The following GABBR1 variants were observed in gnomAD, a reference collection of about 807,000 sequenced individuals.
GABBR1 encodes the protein GABA-B receptor, R1 subunit.
A neutral mutation model predicts 117.7 loss-of-function variants in GABBR1; 35 were observed. The ratio of observed to expected loss-of-function variants is 0.30; its 90% CI spans 0.23 to 0.39. The LOEUF (loss-of-function observed/expected upper bound fraction) is 0.39, where lower values mean the gene tolerates loss of function less well. GABBR1 is among the 10% of genes least tolerant of loss of function. The pLI is 1.00. For synonymous variants in GABBR1, 442 were observed against 486.6 expected (o/e 0.91, Z 1.21); for missense variants, 709 against 1,241.8 (o/e 0.57, Z 6.45).
Position 29,621,852 on chromosome 6 carries a change from C to A in GABBR1, c.1066-35G>T, listed in dbSNP as rs1763784747. The A allele has an allele frequency of 1.2e-6, 2 of 1,606,252 alleles. No homozygotes were observed. Among genetic ancestry groups the A allele is most frequent in the Non-Finnish European group, 1.7e-6 (2 of 1,173,062 alleles). ...AGAAAGAAACAGCTCCTGAGGGATG[C>A]CCGGGAATGCCTGAGGGGCTAAGCC... On this transcript the variant is annotated intron_variant, in intron 9 of 22. Coordinates refer to ENST00000377034, the MANE Select transcript of GABBR1 (RefSeq NM_001470.4). This position sits in a 1 kb window ranked among gnomAD's most constrained non-coding sequence, Gnocchi z 5.0.
chr6:29,627,998 T>C lies in GABBR1; in HGVS notation c.497-352A>G, dbSNP rs1764504765. On this transcript the variant is annotated intron_variant, in intron 5 of 22. Transcript: ENST00000377034. This position sits in a 1 kb window ranked among gnomAD's most constrained non-coding sequence, Gnocchi z 4.4. ...CCACCGTCGCCGCCACCGCGGACTC[T>C]CCTCGCGGACTGACTGACCGACGGA... 6.0e-6 allele frequency: 8 copies of C among 1,323,880 alleles called. No individual in the cohort carries two copies. Among genetic ancestry groups the C allele is most frequent in the Non-Finnish European group, 7.7e-6 (8 of 1,045,106 alleles). The allele number at this position is 1,323,880 out of a possible 1,614,324, so 82.0% of individuals were successfully genotyped here.
chr6:29,613,813 CAT>C lies in GABBR1; in HGVS notation c.1324-330_1324-329del, dbSNP rs375369031. 9.2e-4 allele frequency among the ~76,000 whole-genome samples: 140 copies of C among 152,324 alleles called. No individual in the cohort carries two copies. The highest frequency in any genetic ancestry group is 3.2e-3 in the African/African-American group (135 of 41,586). ...AGGTAGAGCAGAGTAAAGGAGGAGA[CAT>C]GGATATTCCAATGAAGAGCTGTGAC... On this transcript the variant is annotated intron_variant, in intron 11 of 22. Coordinates refer to ENST00000377034, the MANE Select transcript of GABBR1 (RefSeq NM_001470.4). This position sits in a 1 kb window ranked among gnomAD's most constrained non-coding sequence, Gnocchi z 4.1.
At chr6:29,629,149 G>A (rs1327966386) in intron 4 of GABBR1, 42 bp from the exon 5 acceptor site, 1 of 1,611,898 alleles carries the variant, frequency 6.2e-7, no homozygotes, top group East Asian at 2.2e-5. Context: ...AGTTACCACT[G>A]GCGCCCAGCT....
In GABBR1 at chr6:29,622,241, G is replaced by A. The variant is rs764151541; in HGVS notation, c.964-36C>T. On this transcript the variant is annotated intron_variant, in intron 8 of 22. Transcript: ENST00000377034. This position sits in a 1 kb window ranked among gnomAD's most constrained non-coding sequence, Gnocchi z 4.6. Reference sequence around the variant, plus strand: ...AATAAAAAACAAGTTGGAAAAACACGGGGTGCATGAGGGAATAAAGACCAG... The same window carrying A: ...AATAAAAAACAAGTTGGAAAAACACAGGGTGCATGAGGGAATAAAGACCAG... 83 of 1,410,500 alleles carry A rather than the reference G, an allele frequency of 5.9e-5. No homozygotes were observed. In the Admixed American group the frequency reaches 7.3e-4, roughly 12 times the overall value. 87.4% of individuals were successfully genotyped at this position (1,410,500 alleles called of 1,614,324 possible). A position where few individuals can be genotyped will look rare whatever the true frequency, so the allele number is the denominator to read the frequency against.
rs368142689 is a variant in GABBR1, at chr6:29,607,176, C to T, written c.2035G>A (p.Gly679Ser). 28 of 1,614,144 alleles carry T rather than the reference C, an allele frequency of 1.7e-5. No individual in the cohort carries two copies. The highest frequency in any genetic ancestry group is 2.2e-5 in the Non-Finnish European group (26 of 1,180,032). Reference sequence around the variant, plus strand: ...CACCAAATCTTGGTGAACATGGAACCGTAGCCCAGACTAAAGCCCAGGCCC... The same window carrying T: ...CACCAAATCTTGGTGAACATGGAACTGTAGCCCAGACTAAAGCCCAGGCCC... ...LLGLGFSLGYGSMFTKIWWVH... is the reference protein window; with the variant it reads ...LLGLGFSLGYSSMFTKIWWVH... The change falls in exon 17 of 23, where the codon GGT (glycine) becomes AGT (serine). Residue 679 changes from glycine to serine, a missense_variant. Around this residue, in one of 9 missense-constraint regions of GABBR1, gnomAD observed 251 missense variants for 445.3 expected, o/e 0.56. Transcript: ENST00000377034. This position sits in a 1 kb window ranked among gnomAD's most constrained non-coding sequence, Gnocchi z 5.0.
intron 6 of GABBR1, 48 bp from the exon 7 acceptor site, chr6:29,624,072 C>T (rs1213150902): frequency 6.5e-7 from 1 of 1,531,718 alleles, no homozygotes; most frequent in Admixed American, 1.9e-5. Context: ...GGCCCCTCCC[C>T]TGTCTGCAAT....
In GABBR1 at chr6:29,605,752, A is replaced by G. The variant is rs1761879393; in HGVS notation, c.2312-56T>C. On this transcript the variant is annotated intron_variant, in intron 19 of 22. Coordinates refer to ENST00000377034, the MANE Select transcript of GABBR1 (RefSeq NM_001470.4). The surrounding 1 kb of genome is among the most constrained non-coding windows in gnomAD (Gnocchi z 4.2). ...ACAAGGACCACAATGCTCCTCACTC[A>G]ATCCCCATCCCCTCTCTGCCCTTCA... 6.3e-7 allele frequency: 1 copy of G among 1,591,350 alleles called. No homozygotes were observed. Among genetic ancestry groups the G allele is most frequent in the East Asian group, 2.2e-5 (1 of 44,830 alleles).
chr6:29,622,334 T>G lies in GABBR1; in HGVS notation c.964-129A>C. ...AAGAAGCAGCCATTCTGAACCTTCC[T>G]TCAACAGCTTCTGTCCCTGAAGTGA... On this transcript the variant is annotated intron_variant, in intron 8 of 22. Transcript: ENST00000377034. This position sits in a 1 kb window ranked among gnomAD's most constrained non-coding sequence, Gnocchi z 4.6. 1 of 664,644 alleles carries G rather than the reference T, an allele frequency of 1.5e-6. No individual in the cohort carries two copies. The highest frequency in any genetic ancestry group is 2.4e-4 in the Middle Eastern group (1 of 4,086). The allele number at this position is 664,644 out of a possible 1,614,324, so 41.2% of individuals were successfully genotyped here. A position where few individuals can be genotyped will look rare whatever the true frequency, so the allele number is the denominator to read the frequency against.
In GABBR1 at chr6:29,603,436, A is replaced by T; in HGVS notation, c.*107T>A. On this transcript the variant is annotated 3_prime_UTR_variant, in exon 23 of 23. Coordinates refer to ENST00000377034, the MANE Select transcript of GABBR1 (RefSeq NM_001470.4). ...GTATTTACAAGAGATGAGATTGGAT[A>T]GCATGTTCTTCCCAGCTGGGGATGG... 1.1e-6 allele frequency: 1 copy of T among 904,016 alleles called. No individual in the cohort carries two copies. Among genetic ancestry groups the T allele is most frequent in the South Asian group, 1.4e-5 (1 of 70,988 alleles). 56.0% of individuals were successfully genotyped at this position (904,016 alleles called of 1,614,324 possible).
At position 29,620,889 on chromosome 6, in the gene GABBR1, G is replaced by GTT. The variant is rs28383955; in HGVS notation, c.1323+210_1323+211dup. On this transcript the variant is annotated intron_variant, in intron 11 of 22. Coordinates refer to ENST00000377034, the MANE Select transcript of GABBR1 (RefSeq NM_001470.4). The surrounding 1 kb of genome is among the most constrained non-coding windows in gnomAD (Gnocchi z 4.5). ...AACCTACTGAACATACAACTCCATCGTTTTTTTTTTTTTCTCTCTCTACCC... is the reference window on the plus strand; with the variant it reads ...AACCTACTGAACATACAACTCCATCGTTTTTTTTTTTTTTTCTCTCTCTACCC... Among the ~76,000 whole-genome samples the GTT allele has an allele frequency of 1.4e-5, 2 of 144,810 alleles. No individual in the cohort carries two copies. The highest frequency in any genetic ancestry group is 1.5e-5 in the Non-Finnish European group (1 of 65,914).
rs1168305673 is a variant in GABBR1, at chr6:29,630,666, G to A, written c.290-23C>T. On this transcript the variant is annotated intron_variant, in intron 3 of 22. Coordinates refer to ENST00000377034, the MANE Select transcript of GABBR1 (RefSeq NM_001470.4). The surrounding 1 kb of genome is among the most constrained non-coding windows in gnomAD (Gnocchi z 4.9). ...GGACTGTGGAGAGATAGGAAAATAA[G>A]AAGAGAGGCGAGTTGAAGAAGGCTC... 4.4e-6 allele frequency: 7 copies of A among 1,589,200 alleles called. No homozygotes were observed. The highest frequency in any genetic ancestry group is 1.3e-5 in the African/African-American group (1 of 74,350).
At position 29,603,634 on chromosome 6, in the gene GABBR1, GGGGGT is replaced by G; in HGVS notation, c.2790_2794del (p.Pro931ArgfsTer12). ...CCTGGGCAGGCCCCCAGAGGGTTCTGGGGGTGTCGGTGGGTGGCGCCGGGAGCGGA... is the reference window on the plus strand; with the variant it reads ...CCTGGGCAGGCCCCCAGAGGGTTCTGGTCGGTGGGTGGCGCCGGGAGCGGA... On this transcript the variant is annotated frameshift_variant, in exon 23 of 23. Coordinates refer to ENST00000377034, the MANE Select transcript of GABBR1 (RefSeq NM_001470.4). LOFTEE classifies it high-confidence loss of function. 1 of 1,533,830 alleles carries G rather than the reference GGGGGT, an allele frequency of 6.5e-7. No homozygotes were observed. Among genetic ancestry groups the G allele is most frequent in the South Asian group, 1.3e-5 (1 of 77,560 alleles).
rs772513561 is a variant in GABBR1, at chr6:29,610,994, G to A, written c.1638C>T (p.Ser546=). The A allele has an allele frequency of 1.2e-5, 20 of 1,612,802 alleles. No homozygotes were observed. The highest frequency in any genetic ancestry group is 1.5e-5 in the Non-Finnish European group (18 of 1,179,804). The part of the protein sequence containing the change: ...WTLIEQLQGG[S]YKKIGYYDST... ...TGTCATAGTAGCCAATCTTCTTGTA[G>A]CTGCCACCTGGGCAGACGACAATAA... The change falls in exon 14 of 23, where the codon AGC becomes AGT. Residue 546 remains serine, a synonymous_variant. Transcript: ENST00000377034.
chr6:29,620,767 A>T lies in GABBR1; in HGVS notation c.1323+334T>A, dbSNP rs29223. On this transcript the variant is annotated intron_variant, in intron 11 of 22. Transcript: ENST00000377034. The surrounding 1 kb of genome is among the most constrained non-coding windows in gnomAD (Gnocchi z 4.5). Reference sequence around the variant, plus strand: ...CAGTGCTCCTGTAAAGGTGTGCTTGAGTATACAAGCATCCATATTATCATT... The same window carrying T: ...CAGTGCTCCTGTAAAGGTGTGCTTGTGTATACAAGCATCCATATTATCATT... Among the ~76,000 whole-genome samples the T allele has an allele frequency of 6.6e-6, 1 of 152,156 alleles. No homozygotes were observed. Among genetic ancestry groups the T allele is most frequent in the Admixed American group, 6.5e-5 (1 of 15,280 alleles).
At position 29,631,339 on chromosome 6, in the gene GABBR1, T is replaced by A; in HGVS notation, c.289+57A>T. 1 of 1,539,562 alleles carries A rather than the reference T, an allele frequency of 6.5e-7. No homozygotes were observed. The highest frequency in any genetic ancestry group is 2.3e-5 in the East Asian group (1 of 44,256). On this transcript the variant is annotated intron_variant, in intron 3 of 22. Coordinates refer to ENST00000377034, the MANE Select transcript of GABBR1 (RefSeq NM_001470.4). The surrounding 1 kb of genome is among the most constrained non-coding windows in gnomAD (Gnocchi z 5.9). ...CTGACTTGCAAGCAGTAATGCTAAG[T>A]TTGCGGCAGGAAAAGGAATAGTCTT... is the stretch of plus-strand genomic sequence containing the variant.
At chr6:29,608,866 A>G in intron 15 of GABBR1, 133 bp from the exon 16 acceptor site, 1 of 1,010,622 alleles carries the variant, frequency 9.9e-7, no homozygotes, top group Non-Finnish European at 1.4e-6. Flanking sequence ...ACAGGATTGG[A>G]GAAGACAGTG....
rs1433574370 is a variant in GABBR1, at chr6:29,621,307, G to A, written c.1132-15C>T. 6.2e-7 allele frequency: 1 copy of A among 1,602,754 alleles called. No homozygotes were observed. The highest frequency in any genetic ancestry group is 1.7e-5 in the Admixed American group (1 of 58,784). On this transcript the variant is annotated splice_polypyrimidine_tract_variant and intron_variant, in intron 10 of 22. Coordinates refer to ENST00000377034, the MANE Select transcript of GABBR1 (RefSeq NM_001470.4). The surrounding 1 kb of genome is among the most constrained non-coding windows in gnomAD (Gnocchi z 5.0). ...TCCTTGTACACCTGAATACAGAGGA[G>A]AATGGCTGAGTTTTTGTTTGCTCAT...
chr6:29,609,462 G>A lies in GABBR1; in HGVS notation c.1709-83C>T, dbSNP rs536132602. 1 of 1,217,398 alleles carries A rather than the reference G, an allele frequency of 8.2e-7. No individual in the cohort carries two copies. Among genetic ancestry groups the A allele is most frequent in the East Asian group, 2.4e-5 (1 of 42,312 alleles). 75.4% of individuals were successfully genotyped at this position (1,217,398 alleles called of 1,614,324 possible). On this transcript the variant is annotated intron_variant, in intron 14 of 22. Transcript: ENST00000377034. This position sits in a 1 kb window ranked among gnomAD's most constrained non-coding sequence, Gnocchi z 4.3. The stretch of plus-strand genomic sequence containing the variant: ...GAATGAAGACGGGATAGGAGAAAAG[G>A]GCAAAGAACTAGATTGCTGATGGAC...
intron 15 of GABBR1, 27 bp from the exon 16 acceptor site, chr6:29,608,760 G>A (rs1172268453): frequency 1.9e-6 from 3 of 1,608,680 alleles, no homozygotes; most frequent in Non-Finnish European, 2.5e-6. Context: ...GAGGGTGAGA[G>A]GGAGAGAGAA....
Sources: gnomAD v4.1 joint callset for allele counts (sites outside exome capture counted in the v4.1 genomes callset) on GRCh38, gnomAD v4.1.1 for gene constraint, gnomAD v4.1.1 regional missense constraint, Gnocchi (gnomAD v3.1) non-coding constraint, MANE v1.5 for transcripts, NCBI Gene and HGNC (gene_info 2026-07-23, HGNC 2026-07-21) for gene names.